Variants in PLEKHM3 observed in about 807,000 individuals in gnomAD.
The protein encoded by PLEKHM3 is pleckstrin homology domain containing M3.
A neutral mutation model predicts 81.8 loss-of-function variants in PLEKHM3; 45 were observed. The ratio of observed to expected loss-of-function variants is 0.55; its 90% CI spans 0.43 to 0.71. PLEKHM3 has a LOEUF of 0.71. PLEKHM3 is among the 30% of genes least tolerant of loss of function. The pLI, the probability that PLEKHM3 is intolerant of heterozygous loss-of-function variation, is 0.00. For missense variants in PLEKHM3, 788 were observed against 924.3 expected (o/e 0.85, Z 1.91); for synonymous variants, 352 against 356.4 (o/e 0.99, Z 0.14).
At chr2:207,852,517 ATTAAT>A (rs1281765835) in intron 7 of PLEKHM3, among the ~76,000 whole-genome samples, 2 of 152,180 alleles carry the variant, frequency 1.3e-5, no homozygotes, top group Non-Finnish European at 2.9e-5. Context: ...CTGCATAATG[ATTAAT>A]TTAATGAGGA....
chr2:207,931,293 C>G (rs1689591150), intron 4 of PLEKHM3, among the ~76,000 whole-genome samples, 174 bp from the exon 5 acceptor site: 1 of 152,214 alleles, frequency 6.6e-6, no homozygotes, highest in Admixed American at 6.5e-5. Context: ...CTCTTCCAGA[C>G]ATTCAACTGT....
intron 6 of PLEKHM3, among the ~76,000 whole-genome samples, chr2:207,885,866 C>G (rs1205571696): frequency 1.3e-5 from 2 of 151,972 alleles, no homozygotes; most frequent in East Asian, 3.8e-4. Flanking sequence ...TAACAATTTC[C>G]CTGAAGAAAA....
At chr2:207,860,965 T>G (rs1226413041) in intron 7 of PLEKHM3, 140 bp downstream of exon 7, 1 of 968,102 alleles carries the variant, frequency 1.0e-6, no homozygotes, top group East Asian at 2.5e-5. Flanking sequence ...GGGGGAAACA[T>G]GTTCTCCAAG....
intron 3 of PLEKHM3, among the ~76,000 whole-genome samples, chr2:207,963,241 AAAGGCTCT>A (rs150981376): frequency 0.016 from 2,453 of 152,316 alleles, 73 homozygotes; most frequent in African/African-American, 0.056. Context: ...CTGCATATGC[AAAGGCTCT>A]AAGGTGGGTG....
intron 2 of PLEKHM3, among the ~76,000 whole-genome samples, chr2:207,984,696 A>G (rs1691657451): frequency 6.6e-6 from 1 of 152,120 alleles, no homozygotes; most frequent in Admixed American, 6.5e-5. Flanking sequence ...TCTTTAATAT[A>G]CATAGTTTGT....
chr2:207,877,904 T>C (rs1466450057), intron 6 of PLEKHM3, among the ~76,000 whole-genome samples: 1 of 152,166 alleles, frequency 6.6e-6, no homozygotes, highest in East Asian at 1.9e-4. Flanking sequence ...TAGCACTGAC[T>C]GACTGTTTGA....
At chr2:207,939,709 T>C (rs1350195150) in intron 4 of PLEKHM3, among the ~76,000 whole-genome samples, 1 of 152,202 alleles carries the variant, frequency 6.6e-6, no homozygotes, top group Non-Finnish European at 1.5e-5. Flanking sequence ...GTAAGAAACT[T>C]ACTTAAGGTA....
At chr2:207,940,887 T>C (rs1689917330) in intron 4 of PLEKHM3, among the ~76,000 whole-genome samples, 1 of 152,234 alleles carries the variant, frequency 6.6e-6, no homozygotes, top group African/African-American at 2.4e-5. Context: ...GGGGTTCTTC[T>C]TTCTCTCAAG....
intron 2 of PLEKHM3, among the ~76,000 whole-genome samples, chr2:207,992,774 G>A (rs1024484652): frequency 6.6e-6 from 1 of 152,204 alleles, no homozygotes; most frequent in African/African-American, 2.4e-5. Flanking sequence ...AAAGGTCCCA[G>A]GGAGGATGTG....
intron 1 of PLEKHM3, among the ~76,000 whole-genome samples, chr2:208,010,564 C>A (rs1574489552): frequency 6.6e-6 from 1 of 151,304 alleles, no homozygotes; most frequent in East Asian, 1.9e-4. Context: ...AAGGCAAAAA[C>A]TTCCATGATA....
intron 4 of PLEKHM3, among the ~76,000 whole-genome samples, chr2:207,945,410 C>A (rs965962115): frequency 1.3e-5 from 2 of 152,192 alleles, no homozygotes; most frequent in Admixed American, 1.3e-4. Context: ...TTAGCATATA[C>A]CTGTGATTCT....
At chr2:207,950,893 T>G (rs1454606615) in intron 3 of PLEKHM3, among the ~76,000 whole-genome samples, 1 of 152,208 alleles carries the variant, frequency 6.6e-6, no homozygotes, top group Admixed American at 6.5e-5. Flanking sequence ...CTATTCACTT[T>G]AAAAAGAATG....
chr2:207,985,198 C>G (rs1371524817), intron 2 of PLEKHM3, among the ~76,000 whole-genome samples: 1 of 151,492 alleles, frequency 6.6e-6, no homozygotes, highest in East Asian at 2.0e-4. Flanking sequence ...GACCTTCATG[C>G]ATTTTTCTCC....
intron 5 of PLEKHM3, among the ~76,000 whole-genome samples, chr2:207,930,314 G>A (rs1200755701): frequency 6.6e-6 from 1 of 152,090 alleles, no homozygotes; most frequent in Non-Finnish European, 1.5e-5. Context: ...CCACACAGTG[G>A]CTCACACCTG....
intron 4 of PLEKHM3, among the ~76,000 whole-genome samples, chr2:207,944,661 A>G (rs944521013): frequency 1.3e-5 from 2 of 152,190 alleles, no homozygotes; most frequent in African/African-American, 4.8e-5. Context: ...AATGGAATAC[A>G]ACTTCAACAA....
intron 5 of PLEKHM3, among the ~76,000 whole-genome samples, chr2:207,926,286 AT>A (rs1365630254): frequency 6.6e-6 from 1 of 152,136 alleles, no homozygotes; most frequent in Non-Finnish European, 1.5e-5. Context: ...AAAACTCCTG[AT>A]TTTTTTAAAG....
At chr2:208,004,926 A>T (rs924467382) in intron 1 of PLEKHM3, among the ~76,000 whole-genome samples, 1 of 152,106 alleles carries the variant, frequency 6.6e-6, no homozygotes, top group African/African-American at 2.4e-5. Flanking sequence ...ACGGCGTTCA[A>T]GCGATTCTCC....
chr2:207,938,837 A>C (rs1163412953), intron 4 of PLEKHM3, among the ~76,000 whole-genome samples: 1 of 152,172 alleles, frequency 6.6e-6, no homozygotes. Context: ...TGACCACCAA[A>C]ACAAAACATC....
chr2:207,923,905 A>ATTTTTTT lies in PLEKHM3; in HGVS notation c.1886+7014_1886+7020dup, dbSNP rs869041855. ...CATATATATATATATATATATATAT[A>ATTTTTTT]TTTTTTTTTTTTTTTTTTTCTGAGG... On this transcript the variant is annotated intron_variant, in intron 5 of 7. Coordinates refer to ENST00000427836, the MANE Select transcript of PLEKHM3 (RefSeq NM_001080475.3). Among the ~76,000 whole-genome samples, 97 of 28,336 alleles carry ATTTTTTT rather than the reference A, an allele frequency of 3.4e-3. 4 individuals are homozygous for ATTTTTTT. Among genetic ancestry groups the ATTTTTTT allele is most frequent in the Non-Finnish European group, 4.4e-3 (68 of 15,540 alleles). 18.6% of individuals were successfully genotyped at this position (28,336 alleles called of 152,430 possible).
Sources: gnomAD v4.1 joint callset for allele counts (sites outside exome capture counted in the v4.1 genomes callset) on GRCh38, gnomAD v4.1.1 for gene constraint, MANE v1.5 for transcripts, NCBI Gene and HGNC (gene_info 2026-07-23, HGNC 2026-07-21) for gene names.